FAF2: variants seen among roughly 807,000 people sequenced by gnomAD.
FAF2 encodes FAS-associated factor 2.
In FAF2, 9 loss-of-function variants were observed where a neutral mutation model predicts 62.3. That is an observed-to-expected ratio of 0.14 (90% CI 0.09 to 0.25). The LOEUF (loss-of-function observed/expected upper bound fraction) is 0.25. Among genes scored for constraint, FAF2 ranks in the 10% least tolerant of loss-of-function variants. The pLI, the probability that FAF2 is intolerant of heterozygous loss-of-function variation, is 1.00. For synonymous variants in FAF2, 202 were observed against 198.0 expected, an observed-to-expected ratio of 1.02 and a Z score of -0.17; for missense variants, 368 against 556.2, an observed-to-expected ratio of 0.66 and a Z score of 3.40.
chr5:176,474,839 A>G (rs1758659674), intron 1 of FAF2, among the ~76,000 whole-genome samples: 1 of 152,204 alleles, frequency 6.6e-6, no homozygotes, highest in South Asian at 2.1e-4. Flanking sequence ...TCCATTTACT[A>G]GGATGAAAAT....
At chr5:176,456,852 T>C (rs140818074) in intron 1 of FAF2, among the ~76,000 whole-genome samples, 84 of 152,334 alleles carry the variant, frequency 5.5e-4, no homozygotes, top group African/African-American at 1.8e-3. Flanking sequence ...GGGGTTGTAG[T>C]TGACATCTTT....
rs147568357 is a variant in FAF2, at chr5:176,495,879, G to A, written c.662-607G>A. On this transcript the variant is annotated intron_variant, in intron 7 of 10. Transcript: ENST00000261942. ...CTTTTTAAGGGTGGAGAAAAGTTAC[G>A]TGGGGAGAAAGGATAAGGAAAGGAT... Among the ~76,000 whole-genome samples the A allele has an allele frequency of 1.5e-3, 221 of 152,106 alleles. 1 individual carries two copies. Among genetic ancestry groups the A allele is most frequent in the African/African-American group, 5.1e-3 (212 of 41,488 alleles).
At chr5:176,448,608 C>T (rs1334641595) in intron 1 of FAF2, 138 bp downstream of exon 1, 6 of 839,736 alleles carry the variant, frequency 7.1e-6, no homozygotes, top group Non-Finnish European at 1.1e-5. Flanking sequence ...CAGACTCCAA[C>T]TGCCCTGATT....
In FAF2 at chr5:176,496,576, GCCT is replaced by G; in HGVS notation, c.754_756del (p.Leu252del). 6.2e-7 allele frequency: 1 copy of G among 1,613,032 alleles called. No individual in the cohort carries two copies. Among genetic ancestry groups the G allele is most frequent in the Non-Finnish European group, 8.5e-7 (1 of 1,179,438 alleles). On this transcript the variant is annotated inframe_deletion, in exon 8 of 11. Coordinates refer to ENST00000261942, the MANE Select transcript of FAF2 (RefSeq NM_014613.3). ...ATGACTGTGGTGGGACGGCTAGAAG[GCCT>G]CATTCAACCTGATGACCTCATTAAC...
chr5:176,500,158 C>G lies in FAF2; in HGVS notation c.1155+12C>G, dbSNP rs1755569615. The G allele has an allele frequency of 6.2e-7, 1 of 1,613,212 alleles. No homozygotes were observed. The highest frequency in any genetic ancestry group is 1.7e-5 in the Admixed American group (1 of 59,884). On this transcript the variant is annotated intron_variant, in intron 10 of 10. Transcript: ENST00000261942. Reference sequence around the variant, plus strand: ...CACAGTCTCTAACAGTAAGGACCACCTAAGTTCTGTGAAGTGTATGTAGCA... The same window carrying G: ...CACAGTCTCTAACAGTAAGGACCACGTAAGTTCTGTGAAGTGTATGTAGCA...
intron 10 of FAF2, among the ~76,000 whole-genome samples, chr5:176,503,007 C>T (rs556978868): frequency 9.9e-5 from 15 of 151,238 alleles, no homozygotes; most frequent in African/African-American, 3.4e-4. Context: ...GAGACTGCGC[C>T]ATTGCACTCC....
intron 1 of FAF2, among the ~76,000 whole-genome samples, chr5:176,462,217 A>G (rs1758390466): frequency 6.6e-6 from 1 of 152,080 alleles, no homozygotes; most frequent in East Asian, 1.9e-4. Flanking sequence ...CAGAGGTTGC[A>G]ATGAGCCGAG....
At chr5:176,479,819 CCT>C (rs992952651) in intron 2 of FAF2, among the ~76,000 whole-genome samples, 1 of 152,122 alleles carries the variant, frequency 6.6e-6, no homozygotes, top group Non-Finnish European at 1.5e-5. Context: ...ACCTCAGCCC[CCT>C]GAGTAGCTGG....
chr5:176,482,090 T>A (rs1377399026), intron 2 of FAF2, among the ~76,000 whole-genome samples: 1 of 152,216 alleles, frequency 6.6e-6, no homozygotes, highest in African/African-American at 2.4e-5. Context: ...ATTTCCCTAG[T>A]GGCTAAAATG....
chr5:176,457,558 AGTT>A (rs2113716687), intron 1 of FAF2, among the ~76,000 whole-genome samples: 1 of 152,288 alleles, frequency 6.6e-6, no homozygotes, highest in East Asian at 1.9e-4. Context: ...CAAGGATTCT[AGTT>A]GTCGTTTCTC....
In FAF2 at chr5:176,492,314, C is replaced by T; in HGVS notation, c.465C>T (p.Tyr155=). ...EKYGRAHPVF[Y]QGTYSQALND... Reference sequence around the variant, plus strand: ...ATGGGAGGGCACACCCTGTCTTCTACCAGGGAACGTACAGCCAGGTCAGTG... The same window carrying T: ...ATGGGAGGGCACACCCTGTCTTCTATCAGGGAACGTACAGCCAGGTCAGTG... The change falls in exon 5 of 11, where the codon TAC becomes TAT. Residue 155 remains tyrosine, a synonymous_variant. Transcript: ENST00000261942. 5 of 1,613,888 alleles carry T rather than the reference C, an allele frequency of 3.1e-6. No homozygotes were observed. The highest frequency in any genetic ancestry group is 4.2e-6 in the Non-Finnish European group (5 of 1,179,906).
intron 4 of FAF2, among the ~76,000 whole-genome samples, chr5:176,490,197 A>G (rs982996792): frequency 2.0e-5 from 3 of 151,858 alleles, no homozygotes; most frequent in African/African-American, 7.3e-5. Flanking sequence ...TGTAGTCCCA[A>G]CTACTCAGGA....
At chr5:176,471,780 C>A (rs897393942) in intron 1 of FAF2, among the ~76,000 whole-genome samples, 2 of 151,716 alleles carry the variant, frequency 1.3e-5, no homozygotes, top group Non-Finnish European at 2.9e-5. Flanking sequence ...ACCTCCGCCC[C>A]CCGGGTTCAA....
At chr5:176,452,473 G>A (rs1443130142) in intron 1 of FAF2, among the ~76,000 whole-genome samples, 1 of 152,184 alleles carries the variant, frequency 6.6e-6, no homozygotes, top group African/African-American at 2.4e-5. Context: ...GCATAATGAA[G>A]CAGATCTATT....
intron 1 of FAF2, among the ~76,000 whole-genome samples, chr5:176,476,611 G>A (rs1758695329): frequency 6.7e-6 from 1 of 149,478 alleles, no homozygotes; most frequent in Admixed American, 6.7e-5. Context: ...TGGGGAAGAT[G>A]GTAAGATTAG....
chr5:176,503,541 G>C (rs1415046740), intron 10 of FAF2, among the ~76,000 whole-genome samples: 1 of 120,594 alleles, frequency 8.3e-6, no homozygotes, highest in Admixed American at 9.3e-5. Context: ...AGTGAAAAAA[G>C]CAAAATTCTG....
intron 1 of FAF2, among the ~76,000 whole-genome samples, chr5:176,454,286 G>T (rs949333660): frequency 6.6e-6 from 1 of 151,660 alleles, no homozygotes; most frequent in East Asian, 1.9e-4. Flanking sequence ...CCAGCTACTC[G>T]GGAGGGTAAG....
At position 176,508,620 on chromosome 5, in the gene FAF2, T is replaced by C. The variant is rs1755726514; in HGVS notation, c.*1670T>C. On this transcript the variant is annotated 3_prime_UTR_variant, in exon 11 of 11. Transcript: ENST00000261942. Reference sequence around the variant, plus strand: ...TCCCAGTGGCCTTGGCATAGCTGTCTAGAACACCATCTCTAGGAAAATTTA... The same window carrying C: ...TCCCAGTGGCCTTGGCATAGCTGTCCAGAACACCATCTCTAGGAAAATTTA... The C allele has an allele frequency of 6.6e-6, 1 of 152,242 alleles. No individual in the cohort carries two copies. The highest frequency in any genetic ancestry group is 2.1e-4 in the South Asian group (1 of 4,832). The allele number at this position is 152,242 out of a possible 1,614,324, so 9.4% of individuals were successfully genotyped here.
At chr5:176,480,321 G>A (rs1358167021) in intron 2 of FAF2, among the ~76,000 whole-genome samples, 5 of 150,008 alleles carry the variant, frequency 3.3e-5, no homozygotes, top group Non-Finnish European at 7.4e-5. Flanking sequence ...TTAATAAAAT[G>A]TATTCCTAAT....
Sources: allele counts gnomAD v4.1 joint callset (sites outside exome capture counted in the v4.1 genomes callset), GRCh38; gene constraint gnomAD v4.1.1; transcripts MANE v1.5; gene names NCBI Gene and HGNC (gene_info 2026-07-23, HGNC 2026-07-21).